The following DHCR7 variants were observed in gnomAD, a reference collection of about 807,000 sequenced individuals.
DHCR7 encodes the protein 7-dehydrocholesterol reductase.
In DHCR7, 40 loss-of-function variants were observed where a neutral mutation model predicts 43.3. The ratio of observed to expected loss-of-function variants is 0.92; its 90% CI spans 0.72 to 1.20. The LOEUF (loss-of-function observed/expected upper bound fraction) is 1.20. Ranked by LOEUF, DHCR7 falls within the 50% of genes most tolerant of loss-of-function variation. DHCR7 has a pLI of 0.00. For synonymous variants in DHCR7, 298 were observed against 271.4 expected, an observed-to-expected ratio of 1.10 and a Z score of -0.96; for missense variants, 608 against 644.6, an observed-to-expected ratio of 0.94 and a Z score of 0.62.
intron 7 of DHCR7, among the ~76,000 whole-genome samples, chr11:71,438,369 C>T (rs930222938): frequency 4.6e-5 from 7 of 152,196 alleles, no homozygotes; most frequent in African/African-American, 1.7e-4. Flanking sequence ...TGATCGCTGC[C>T]ACCCTGCACC....
chr11:71,433,739 T>C (rs1949242704), downstream of DHCR7, among the ~76,000 whole-genome samples: 2 of 152,230 alleles, frequency 1.3e-5, no homozygotes, highest in Admixed American at 6.5e-5. Context: ...ATTTACGCAA[T>C]GTCTGGGAAG....
chr11:71,441,482 C>A (rs765663769), intron 5 of DHCR7, 42 bp from the exon 6 acceptor site: 2 of 1,510,936 alleles, frequency 1.3e-6, no homozygotes, highest in South Asian at 2.3e-5. Context: ...TTTCCCAACC[C>A]GCAGTGAGGA....
At chr11:71,436,544 TC>T (rs1949282846) in intron 8 of DHCR7, among the ~76,000 whole-genome samples, 2 of 151,990 alleles carry the variant, frequency 1.3e-5, no homozygotes, top group Admixed American at 6.5e-5. Context: ...GCACCTGTAA[TC>T]CCAGCTACTC....
Position 71,441,415 on chromosome 11 carries a change from A to G in DHCR7, c.438T>C (p.Asn146=), listed in dbSNP as rs949177. 1,490,281 of 1,613,484 alleles carry G rather than the reference A, an allele frequency of 0.92. 693,364 individuals are homozygous for G. Among genetic ancestry groups the G allele is most frequent in the Non-Finnish European group, 0.96 (1,131,637 of 1,179,726 alleles). The stretch of plus-strand genomic sequence containing the variant: ...GCGTGAGGAGCCAGGCTTGCAGGCC[A>G]TTGATCTGATACTTGTTCACAACCC... ...PAGVVNKYQI[N]GLQAWLLTHL... is the part of the protein sequence containing the mutation. Residue 146 remains asparagine (N), a synonymous_variant, in exon 6 of 9, where the codon AAT becomes AAC. Coordinates refer to ENST00000355527, the MANE Select transcript of DHCR7 (RefSeq NM_001360.3).
Position 71,434,969 on chromosome 11 carries a change from A to T in DHCR7, c.*406T>A. On this transcript the variant is annotated 3_prime_UTR_variant, in exon 9 of 9. Transcript: ENST00000355527. ...TGGATAACGCGCACGCCCCACTCCCACTTTTATTTAGCAAGAGTAAATGCA... is the reference window on the plus strand; with the variant it reads ...TGGATAACGCGCACGCCCCACTCCCTCTTTTATTTAGCAAGAGTAAATGCA... 2.6e-6 allele frequency: 1 copy of T among 391,584 alleles called. No homozygotes were observed. The highest frequency in any genetic ancestry group is 1.9e-5 in the South Asian group (1 of 51,866). 24.3% of individuals were successfully genotyped at this position (391,584 alleles called of 1,614,324 possible).
rs990792435 is a variant in DHCR7, at chr11:71,439,469, T to C, written c.627-386A>G. On this transcript the variant is annotated intron_variant, in intron 6 of 8. Coordinates refer to ENST00000355527, the MANE Select transcript of DHCR7 (RefSeq NM_001360.3). ...AAGAACTGGCTTGATTGCACTGAGA[T>C]TACGTTCTGGGGCCCAAGCACACGG... 2.0e-5 allele frequency among the ~76,000 whole-genome samples: 3 copies of C among 152,316 alleles called. No individual in the cohort carries two copies. The South Asian group carries it at 6.2e-4, about 32-fold the overall frequency.
chr11:71,429,069 A>G (rs1328470733), intron 2 of DHCR7, among the ~76,000 whole-genome samples: 1 of 152,170 alleles, frequency 6.6e-6, no homozygotes, highest in Non-Finnish European at 1.5e-5. Context: ...AGTGTTGCAA[A>G]CAGTTCTGCA....
chr11:71,442,974 C>T (rs779714135), intron 4 of DHCR7, among the ~76,000 whole-genome samples: 4 of 152,204 alleles, frequency 2.6e-5, no homozygotes, highest in South Asian at 2.1e-4. Context: ...CTGTCCCTGC[C>T]GCCCCTGGCT....
At chr11:71,439,821 C>T (rs1399280170) in intron 6 of DHCR7, among the ~76,000 whole-genome samples, 4 of 152,162 alleles carry the variant, frequency 2.6e-5, no homozygotes, top group Admixed American at 1.3e-4. Context: ...TATAAGGTAG[C>T]GAGGATGATT....
chr11:71,433,714 G>A (rs978708646), downstream of DHCR7, among the ~76,000 whole-genome samples: 1 of 152,200 alleles, frequency 6.6e-6, no homozygotes, highest in African/African-American at 2.4e-5. Context: ...CCACACCCCA[G>A]CCTCTGTGAA....
At chr11:71,447,484 T>C (rs1427249951) in intron 2 of DHCR7, 126 bp downstream of exon 2, 1 of 152,194 alleles carries the variant, frequency 6.6e-6, no homozygotes, top group African/African-American at 2.4e-5. Flanking sequence ...TGGTATGTTG[T>C]ATTTTACTCA....
At position 71,435,679 on chromosome 11, in the gene DHCR7, G is replaced by A; in HGVS notation, c.1124C>T (p.Pro375Leu). The change falls in exon 9 of 9, where the codon CCC (proline) becomes CTC (leucine). Residue 375 changes from proline (P) to leucine (L), a missense_variant. By Grantham distance (98) the Pro-to-Leu change is moderately conservative (BLOSUM62 -3). Coordinates refer to ENST00000355527, the MANE Select transcript of DHCR7 (RefSeq NM_001360.3). ...TGTGTAGGAGCACTCGATGACCTTG[G>A]GCTTCCTGCCCCAGATGAGGCAGCG... is the stretch of plus-strand genomic sequence containing the variant. ...DGRCLIWGRK[P>L]KVIECSYTSA... 1 of 1,613,136 alleles carries A rather than the reference G, an allele frequency of 6.2e-7. No homozygotes were observed.
chr11:71,432,300 AAAGTTTGCCAATGTGATC>A (rs1397816054), downstream of DHCR7, among the ~76,000 whole-genome samples: 1 of 152,200 alleles, frequency 6.6e-6, no homozygotes, highest in East Asian at 1.9e-4. Context: ...CTGCTGCAAT[AAAGTTTGCCAATGTGATC>A]AAGTTTGCCA....
intron 8 of DHCR7, among the ~76,000 whole-genome samples, chr11:71,437,496 G>A (rs1224102372): frequency 1.3e-5 from 2 of 152,092 alleles, no homozygotes; most frequent in African/African-American, 2.4e-5. Context: ...CTGCCCCAGT[G>A]CCCAGCACAT....
downstream of DHCR7, among the ~76,000 whole-genome samples, chr11:71,433,975 C>A (rs1949244327): frequency 1.3e-5 from 2 of 152,216 alleles, no homozygotes; most frequent in South Asian, 4.1e-4. Context: ...TGGGAGGCGG[C>A]CTGGCTGTGG....
At chr11:71,432,480 A>G (rs1949233632), downstream of DHCR7, among the ~76,000 whole-genome samples, 1 of 152,218 alleles carries the variant, frequency 6.6e-6, no homozygotes. Flanking sequence ...GTTTTGATAC[A>G]TGTGTAAATT....
chr11:71,444,977 T>C lies in DHCR7; in HGVS notation c.-6-19A>G. On this transcript the variant is annotated intron_variant, in intron 2 of 8. Transcript: ENST00000355527. ...TTGGGCCCTGCAAGAAAGAGAACCT[T>C]GCTTACATTATCCCTCAAATAACAG... is the stretch of plus-strand genomic sequence containing the variant. The C allele has an allele frequency of 6.2e-7, 1 of 1,602,426 alleles. No individual in the cohort carries two copies. Among genetic ancestry groups the C allele is most frequent in the Non-Finnish European group, 8.6e-7 (1 of 1,169,364 alleles).
downstream of DHCR7, among the ~76,000 whole-genome samples, chr11:71,432,220 T>G (rs12797951): frequency 0.55 from 84,007 of 152,128 alleles, 26,079 homozygotes; most frequent in Non-Finnish European, 0.73. Context: ...TTGACGTGAA[T>G]GAACAGAACT....
chr11:71,444,011 G>C lies in DHCR7; in HGVS notation c.303C>G (p.Thr101=). The C allele has an allele frequency of 6.2e-7, 1 of 1,612,150 alleles. No homozygotes were observed. Among genetic ancestry groups the C allele is most frequent in the Non-Finnish European group, 8.5e-7 (1 of 1,178,968 alleles). The part of the protein sequence containing the change: ...PITRKAAQLY[T]LWVTFQVLLY... The stretch of plus-strand genomic sequence containing the variant: ...TGCTGACCTGGAAGGTGACCCACAA[G>C]GTATAGAGCTGGGCGGCTTTCCTCG... The change falls in exon 4 of 9, where the codon ACC becomes ACG. Residue 101 remains threonine, a synonymous_variant. Coordinates refer to ENST00000355527, the MANE Select transcript of DHCR7 (RefSeq NM_001360.3).
Sources: allele counts gnomAD v4.1 joint callset (sites outside exome capture counted in the v4.1 genomes callset), GRCh38; gene constraint gnomAD v4.1.1; transcripts MANE v1.5; gene names NCBI Gene and HGNC (gene_info 2026-07-23, HGNC 2026-07-21).